DSCAM: variants seen among roughly 807,000 people sequenced by gnomAD.
DSCAM encodes the protein DS cell adhesion molecule, also known as cell adhesion molecule DSCAM.
In DSCAM, 47 loss-of-function variants were observed where a neutral mutation model predicts 217.7. The ratio of observed to expected loss-of-function variants is 0.22; its 90% CI spans 0.17 to 0.28. The LOEUF is 0.28. Ranked by LOEUF, DSCAM falls within the 10% of genes least tolerant of loss-of-function variation. The pLI is 1.00. For missense variants in DSCAM, 2,080 were observed against 2,618.3 expected (o/e 0.79, Z 4.49); for synonymous variants, 1,056 against 1,015.3 (o/e 1.04, Z -0.76).
intron 3 of DSCAM, among the ~76,000 whole-genome samples, chr21:40,519,999 A>G (rs993538974): frequency 6.6e-6 from 1 of 152,082 alleles, no homozygotes; most frequent in Admixed American, 6.5e-5. Context: ...AGACTCTAAA[A>G]TTTGTTGCCC....
intron 3 of DSCAM, among the ~76,000 whole-genome samples, chr21:40,420,594 C>A (rs1313162195): frequency 2.0e-5 from 3 of 152,126 alleles, no homozygotes; most frequent in African/African-American, 7.2e-5. Context: ...TCATGTCCTA[C>A]CACCAGTATC....
chr21:40,512,446 C>G (rs1207348205), intron 3 of DSCAM, among the ~76,000 whole-genome samples: 1 of 152,040 alleles, frequency 6.6e-6, no homozygotes, highest in East Asian at 1.9e-4. Flanking sequence ...TCTAAAATGT[C>G]AGAGACATGT....
At chr21:40,225,597 G>T (rs1330105478) in intron 11 of DSCAM, among the ~76,000 whole-genome samples, 2 of 152,210 alleles carry the variant, frequency 1.3e-5, no homozygotes, top group African/African-American at 4.8e-5. Context: ...CATCCAGGAG[G>T]TTGAGGGATT....
At chr21:40,278,300 A>G (rs1018875466) in intron 10 of DSCAM, among the ~76,000 whole-genome samples, 1 of 152,224 alleles carries the variant, frequency 6.6e-6, no homozygotes, top group Non-Finnish European at 1.5e-5. Flanking sequence ...GAGGTTGGTA[A>G]TCTTTCTGTA....
intron 32 of DSCAM, among the ~76,000 whole-genome samples, chr21:40,019,574 A>T (rs1383079730): frequency 1.3e-5 from 2 of 152,146 alleles, no homozygotes; most frequent in Non-Finnish European, 2.9e-5. Flanking sequence ...CACCTGCCCC[A>T]CAGCTTACCA....
In DSCAM at chr21:40,347,901, C is replaced by A. The variant is rs530847723; in HGVS notation, c.979G>T (p.Val327Leu). The change falls in exon 6 of 33, where the codon GTG (valine) becomes TTG (leucine). Residue 327 changes from valine to leucine, a missense_variant. Val to Leu is a conservative substitution (Grantham distance 32). Transcript: ENST00000400454. ...TISPRKVKSS[V>L]GSQVSLSCSV... ...CAGGACAAGGAAACTTGGCTACCCA[C>A]GCTGCTTTTAACCTTCCTGGGACTG... The A allele has an allele frequency of 6.8e-6, 11 of 1,613,898 alleles. No individual in the cohort carries two copies. Among genetic ancestry groups the A allele is most frequent in the Admixed American group, 5.0e-5 (3 of 59,994 alleles).
intron 1 of DSCAM, among the ~76,000 whole-genome samples, chr21:40,737,744 A>C (rs1284591076): frequency 6.6e-6 from 1 of 152,200 alleles, no homozygotes; most frequent in Non-Finnish European, 1.5e-5. Flanking sequence ...CTCCGCAGGC[A>C]GAAAGAGCAT....
rs138354014 is a variant in DSCAM, at chr21:40,144,410, C to G, written c.3259+81G>C. The G allele has an allele frequency of 4.2e-4, 661 of 1,574,660 alleles. 4 individuals are homozygous for G. The East Asian group carries it at 0.013, about 32-fold the overall frequency. On this transcript the variant is annotated intron_variant, in intron 17 of 32. Transcript: ENST00000400454. This position sits in a 1 kb window ranked among gnomAD's most constrained non-coding sequence, Gnocchi z 4.8. Reference sequence around the variant, plus strand: ...TGCAAAGTCGTGGGGCGGGGGAGTGCGAGGTTGGGGGAGCCCCGGGGCAGA... The same window carrying G: ...TGCAAAGTCGTGGGGCGGGGGAGTGGGAGGTTGGGGGAGCCCCGGGGCAGA...
At chr21:40,267,311 C>T (rs2073552476) in intron 11 of DSCAM, among the ~76,000 whole-genome samples, 1 of 150,736 alleles carries the variant, frequency 6.6e-6, no homozygotes, top group Non-Finnish European at 1.5e-5. Context: ...TAATTATGAA[C>T]AATTAGTAAA....
intron 1 of DSCAM, among the ~76,000 whole-genome samples, chr21:40,824,353 T>G (rs2091951564): frequency 6.6e-6 from 1 of 151,968 alleles, no homozygotes; most frequent in African/African-American, 2.4e-5. Flanking sequence ...CCATCTAAAT[T>G]TGAATTCAAA....
Sources: allele counts gnomAD v4.1 joint callset (sites outside exome capture counted in the v4.1 genomes callset), GRCh38; gene constraint gnomAD v4.1.1; non-coding constraint Gnocchi (gnomAD v3.1); transcripts MANE v1.5; gene names NCBI Gene and HGNC (gene_info 2026-07-23, HGNC 2026-07-21).